Variants in TRPM3 observed in about 807,000 individuals in gnomAD.
The protein encoded by TRPM3 is long transient receptor potential channel 3.
TRPM3 carries 77 observed loss-of-function variants against 181.2 expected under a neutral mutation model. The observed-to-expected ratio is 0.42, with a 90% CI of 0.35 to 0.51. The LOEUF is 0.51. TRPM3 is among the 20% of genes least tolerant of loss of function. The pLI is 0.01. For synonymous variants in TRPM3, 745 were observed against 796.4 expected (o/e 0.94, Z 1.09); for missense variants, 1,759 against 2,196.7 (o/e 0.80, Z 3.98).
chr9:70,677,495 C>T (rs1447137269), intron 9 of TRPM3, among the ~76,000 whole-genome samples: 1 of 152,198 alleles, frequency 6.6e-6, no homozygotes, highest in Non-Finnish European at 1.5e-5. Flanking sequence ...GGCCTAAGTC[C>T]CACCTTGGGG....
rs1334552058 is a variant in TRPM3, at chr9:70,805,144, C to T, written c.974-20865G>A. Among the ~76,000 whole-genome samples the T allele has an allele frequency of 4.2e-5, 6 of 144,534 alleles. No homozygotes were observed. The Admixed American group carries it at 4.5e-4, about 11-fold the overall frequency. 94.8% of individuals were successfully genotyped at this position (144,534 alleles called of 152,430 possible). A position where few individuals can be genotyped will look rare whatever the true frequency, so the allele number is the denominator to read the frequency against. The stretch of plus-strand genomic sequence containing the variant: ...TAACATTCCAAGTACTCTGTAAGCA[C>T]GAGAGAAGGAGCATGATCATGAAAG... On this transcript the variant is annotated intron_variant, in intron 6 of 25. Coordinates refer to ENST00000677713, the MANE Select transcript of TRPM3 (RefSeq NM_001366145.2).
chr9:70,815,540 C>A (rs1009028694), intron 6 of TRPM3, among the ~76,000 whole-genome samples: 2 of 151,990 alleles, frequency 1.3e-5, no homozygotes, highest in East Asian at 1.9e-4. Context: ...TGGCTTTTGC[C>A]AATTTGATAG....
chr9:70,762,900 T>C (rs1354515028), intron 7 of TRPM3, among the ~76,000 whole-genome samples: 1 of 152,088 alleles, frequency 6.6e-6, no homozygotes, highest in Non-Finnish European at 1.5e-5. Context: ...CACCACTGCC[T>C]CTCTTCATCA....
At chr9:71,263,459 A>C (rs2083192608) in intron 1 of TRPM3, among the ~76,000 whole-genome samples, 2 of 152,362 alleles carry the variant, frequency 1.3e-5, no homozygotes, top group East Asian at 1.9e-4. Flanking sequence ...AGTCTACAAC[A>C]GTATCTTTCA....
chr9:70,690,872 C>T (rs139998462), intron 8 of TRPM3, among the ~76,000 whole-genome samples: 26 of 152,298 alleles, frequency 1.7e-4, no homozygotes, highest in Admixed American at 3.3e-4. Context: ...ACAATGCCAA[C>T]TTGATGAATA....
chr9:70,744,249 A>T (rs1453062763), intron 8 of TRPM3, among the ~76,000 whole-genome samples: 1 of 151,724 alleles, frequency 6.6e-6, no homozygotes, highest in East Asian at 1.9e-4. Flanking sequence ...AATCACTTGA[A>T]CCTGGGAGGC....
chr9:71,375,809 A>G (rs922981583), intron 1 of TRPM3, among the ~76,000 whole-genome samples: 2 of 152,158 alleles, frequency 1.3e-5, no homozygotes, highest in African/African-American at 4.8e-5. Flanking sequence ...CAACTCACCA[A>G]TGGCTCAGAT....
intron 1 of TRPM3, among the ~76,000 whole-genome samples, chr9:71,027,291 C>A (rs1461167294): frequency 1.3e-5 from 2 of 152,094 alleles, no homozygotes; most frequent in Non-Finnish European, 2.9e-5. Context: ...AGGTCATGGA[C>A]TAGGGTAAAA....
intron 1 of TRPM3, among the ~76,000 whole-genome samples, chr9:71,195,610 T>A (rs2078301082): frequency 6.6e-6 from 1 of 152,118 alleles, no homozygotes; most frequent in Admixed American, 6.6e-5. Context: ...TTACTGGGTA[T>A]GTATCCAAAG....
At chr9:70,602,950 C>A (rs958761273) in intron 20 of TRPM3, among the ~76,000 whole-genome samples, 1 of 152,136 alleles carries the variant, frequency 6.6e-6, no homozygotes, top group Non-Finnish European at 1.5e-5. Flanking sequence ...CCTAAAGCAG[C>A]CGAAATACAT....
At chr9:71,219,196 G>C (rs539104768) in intron 1 of TRPM3, among the ~76,000 whole-genome samples, 1 of 152,122 alleles carries the variant, frequency 6.6e-6, no homozygotes. Context: ...TGTGTGTTGG[G>C]GGTGGGGGTT....
At chr9:71,041,376 A>G (rs2058797582) in intron 1 of TRPM3, among the ~76,000 whole-genome samples, 1 of 152,110 alleles carries the variant, frequency 6.6e-6, no homozygotes, top group Middle Eastern at 3.2e-3. Flanking sequence ...TAAAACAAGT[A>G]TTTTTCCTTC....
intron 1 of TRPM3, among the ~76,000 whole-genome samples, chr9:70,947,037 A>AT (rs1386581042): frequency 6.6e-6 from 1 of 152,086 alleles, no homozygotes; most frequent in African/African-American, 2.4e-5. Context: ...TTCCACTAAC[A>AT]TTTTTTGGTG....
intron 1 of TRPM3, among the ~76,000 whole-genome samples, chr9:70,895,597 T>C (rs1168846020): frequency 6.6e-6 from 1 of 152,310 alleles, no homozygotes; most frequent in African/African-American, 2.4e-5. Context: ...CCCAGTATTA[T>C]GAGCAAAGAG....
chr9:71,328,015 G>A (rs1193789544), intron 1 of TRPM3, among the ~76,000 whole-genome samples: 2 of 151,398 alleles, frequency 1.3e-5, no homozygotes, highest in African/African-American at 4.9e-5. Flanking sequence ...TCAAAGAGTG[G>A]GAATGACTAC....
intron 7 of TRPM3, among the ~76,000 whole-genome samples, chr9:70,781,342 A>T (rs1480853726): frequency 6.6e-6 from 1 of 151,002 alleles, no homozygotes; most frequent in African/African-American, 2.4e-5. Flanking sequence ...AAAAAAAAAA[A>T]AAAAAAAGAA....
chr9:71,444,440 T>C (rs1307956379), intron 1 of TRPM3, among the ~76,000 whole-genome samples: 2 of 151,846 alleles, frequency 1.3e-5, no homozygotes, highest in Non-Finnish European at 2.9e-5. Flanking sequence ...AGTGAACCCC[T>C]CATATTTTCT....
chr9:71,278,958 A>G (rs965191239), intron 1 of TRPM3, among the ~76,000 whole-genome samples: 1 of 151,434 alleles, frequency 6.6e-6, no homozygotes, highest in African/African-American at 2.4e-5. Context: ...CACCATAAGA[A>G]CATACTTCTC....
intron 1 of TRPM3, among the ~76,000 whole-genome samples, chr9:71,393,813 T>A (rs1368121127): frequency 6.6e-6 from 1 of 152,212 alleles, no homozygotes; most frequent in Non-Finnish European, 1.5e-5. Context: ...ATCATTAAGT[T>A]CCACTGAGAC....
Sources: gnomAD v4.1 joint callset for allele counts (sites outside exome capture counted in the v4.1 genomes callset) on GRCh38, gnomAD v4.1.1 for gene constraint, MANE v1.5 for transcripts, NCBI Gene and HGNC (gene_info 2026-07-23, HGNC 2026-07-21) for gene names.